The following GYPC variants were observed in gnomAD, a reference collection of about 807,000 sequenced individuals.
The protein encoded by GYPC is glycophorin-C.
In GYPC, 14 loss-of-function variants were observed where a neutral mutation model predicts 12.6. The ratio of observed to expected loss-of-function variants is 1.11; its 90% CI spans 0.74 to 1.74. The LOEUF is 1.74. Ranked by LOEUF, GYPC falls within the 40% of genes most tolerant of loss-of-function variation. The probability of loss-of-function intolerance (pLI) is 0.00; values close to 1 mark genes in which losing one functional copy is unlikely to be tolerated. For synonymous variants in GYPC, 78 were observed against 62.1 expected (o/e 1.26, Z -1.20); for missense variants, 225 against 172.1 (o/e 1.31, Z -1.72).
rs1683655460 is a variant in GYPC at position 126,696,601 on chromosome 2, A to G, written c.*459A>G. The G allele has an allele frequency of 3.9e-6, 1 of 254,478 alleles. No homozygotes were observed. Among genetic ancestry groups the G allele is most frequent in the Non-Finnish European group, 7.8e-6 (1 of 128,636 alleles). The allele number at this position is 254,478 out of a possible 1,614,324, so 15.8% of individuals were successfully genotyped here. Reference sequence around the variant, plus strand: ...GGGGGGAACAGCAGGTGCCAGAGCTAAAAGGTACCTTTGTCTGCCATTGAT... The same window carrying G: ...GGGGGGAACAGCAGGTGCCAGAGCTGAAAGGTACCTTTGTCTGCCATTGAT... On this transcript the variant is annotated 3_prime_UTR_variant, in exon 4 of 4. Coordinates refer to ENST00000259254, the MANE Select transcript of GYPC (RefSeq NM_002101.5).
chr2:126,695,838 G>T (rs1683625277), intron 3 of GYPC, 108 bp from the exon 4 acceptor site: 8 of 833,844 alleles, frequency 9.6e-6, no homozygotes, highest in Admixed American at 1.7e-5. Context: ...ATCTCTTTTG[G>T]TTGTGGCATT....
intron 1 of GYPC, among the ~76,000 whole-genome samples, chr2:126,668,504 C>T (rs979183911): frequency 3.3e-5 from 5 of 152,228 alleles, no homozygotes; most frequent in African/African-American, 1.2e-4. Flanking sequence ...TTGTGAAATG[C>T]TCTCATTGTG....
chr2:126,680,736 G>C (rs772042003), intron 1 of GYPC, among the ~76,000 whole-genome samples: 1 of 152,232 alleles, frequency 6.6e-6, no homozygotes, highest in Non-Finnish European at 1.5e-5. Context: ...TGAATGTACT[G>C]TCTCTTTTCC....
intron 1 of GYPC, among the ~76,000 whole-genome samples, chr2:126,670,664 G>T (rs188168238): frequency 1.8e-4 from 28 of 152,270 alleles, no homozygotes; most frequent in African/African-American, 6.5e-4. Context: ...GGCACCTTGC[G>T]TGAGAGGCTG....
intron 1 of GYPC, among the ~76,000 whole-genome samples, chr2:126,689,498 G>C (rs1482730313): frequency 6.6e-6 from 1 of 151,364 alleles, no homozygotes; most frequent in Non-Finnish European, 1.5e-5. Context: ...GCAGTGATGG[G>C]AGGTGGGACC....
chr2:126,695,814 A>T, intron 3 of GYPC, 132 bp from the exon 4 acceptor site: 1 of 760,842 alleles, frequency 1.3e-6, no homozygotes, highest in Non-Finnish European at 2.4e-6. Flanking sequence ...GGCTCCCATC[A>T]TAAATCAAGG....
intron 1 of GYPC, among the ~76,000 whole-genome samples, chr2:126,661,516 A>G (rs906225412): frequency 4.0e-5 from 6 of 149,186 alleles, no homozygotes; most frequent in African/African-American, 1.5e-4. Context: ...GCAATGGCGC[A>G]ATCTTGGCTC....
chr2:126,689,027 G>C (rs534359770), intron 1 of GYPC, among the ~76,000 whole-genome samples: 2 of 152,332 alleles, frequency 1.3e-5, no homozygotes, highest in East Asian at 3.9e-4. Context: ...CTGTGCAGCA[G>C]CTCTAGGAAA....
intron 1 of GYPC, among the ~76,000 whole-genome samples, chr2:126,685,634 C>T (rs957142043): frequency 1.3e-5 from 2 of 152,164 alleles, no homozygotes; most frequent in African/African-American, 4.8e-5. Flanking sequence ...TTCCACCCAC[C>T]TCAGCCTCCC....
intron 3 of GYPC, among the ~76,000 whole-genome samples, chr2:126,694,185 C>T (rs1484997776): frequency 6.6e-6 from 1 of 152,100 alleles, no homozygotes; most frequent in African/African-American, 2.4e-5. Flanking sequence ...GCTTTTGACT[C>T]ACAGGAACTC....
At chr2:126,665,661 G>A (rs938040881) in intron 1 of GYPC, among the ~76,000 whole-genome samples, 15 of 152,218 alleles carry the variant, frequency 9.9e-5, no homozygotes, top group Non-Finnish European at 1.8e-4. Context: ...AAGGGATGCC[G>A]ACGCAGGGCA....
intron 2 of GYPC, 151 bp downstream of exon 2, chr2:126,690,462 G>A (rs1683428024): frequency 1.4e-6 from 1 of 711,792 alleles, no homozygotes; most frequent in Middle Eastern, 3.1e-4. Context: ...AGGGGTGGCT[G>A]TGGCCATTTT....
At chr2:126,684,449 T>C (rs1683231123) in intron 1 of GYPC, among the ~76,000 whole-genome samples, 1 of 152,136 alleles carries the variant, frequency 6.6e-6, no homozygotes, top group Non-Finnish European at 1.5e-5. Context: ...TCTATCATCA[T>C]GGCCTTCCCT....
intron 1 of GYPC, among the ~76,000 whole-genome samples, chr2:126,657,434 A>G (rs1682394609): frequency 6.6e-6 from 1 of 152,260 alleles, no homozygotes; most frequent in South Asian, 2.1e-4. Context: ...AGTAGGAATA[A>G]TAACAGGAGA....
chr2:126,664,220 T>C (rs1682620211), intron 1 of GYPC, among the ~76,000 whole-genome samples: 1 of 152,118 alleles, frequency 6.6e-6, no homozygotes, highest in African/African-American at 2.4e-5. Context: ...TTTTTTTTTC[T>C]TTGTCACTGA....
At chr2:126,656,365 C>A in intron 1 of GYPC, 53 bp downstream of exon 1, 1 of 1,486,002 alleles carries the variant, frequency 6.7e-7, no homozygotes, top group Non-Finnish European at 9.2e-7. Flanking sequence ...GGCCGCGGCC[C>A]GCAGCAGCCA....
At chr2:126,689,955 C>T (rs1683405564) in intron 1 of GYPC, among the ~76,000 whole-genome samples, 1 of 152,216 alleles carries the variant, frequency 6.6e-6, no homozygotes, top group Non-Finnish European at 1.5e-5. Context: ...ATCTGTTGAG[C>T]ATCTACCACA....
intron 3 of GYPC, among the ~76,000 whole-genome samples, chr2:126,694,223 G>A (rs1169119987): frequency 6.6e-6 from 1 of 152,172 alleles, no homozygotes; most frequent in African/African-American, 2.4e-5. Flanking sequence ...CAGTTTTGGT[G>A]AAGGAGGTTG....
At chr2:126,661,754 C>T (rs976710591) in intron 1 of GYPC, among the ~76,000 whole-genome samples, 3 of 152,026 alleles carry the variant, frequency 2.0e-5, no homozygotes, top group Admixed American at 2.0e-4. Flanking sequence ...CTGTGCCCAG[C>T]CTACCAGATG....
Sources: allele counts gnomAD v4.1 joint callset (sites outside exome capture counted in the v4.1 genomes callset), GRCh38; gene constraint gnomAD v4.1.1; transcripts MANE v1.5; gene names NCBI Gene and HGNC (gene_info 2026-07-23, HGNC 2026-07-21).